Variants in PCIF1 observed in about 807,000 individuals in gnomAD.
The protein encoded by PCIF1 is phosphorylated CTD interacting factor 1.
PCIF1 carries 12 observed loss-of-function variants against 86.9 expected under a neutral mutation model. The ratio of observed to expected loss-of-function variants is 0.14; its 90% CI spans 0.09 to 0.22. The LOEUF is 0.22. Ranked by LOEUF, PCIF1 falls within the 10% of genes least tolerant of loss-of-function variation. The pLI is 1.00. For synonymous variants in PCIF1, 397 were observed against 372.0 expected, an observed-to-expected ratio of 1.07 and a Z score of -0.77; for missense variants, 701 against 951.1, an observed-to-expected ratio of 0.74 and a Z score of 3.46.
intron 11 of PCIF1, 64 bp downstream of exon 11, chr20:45,945,094 A>G: frequency 6.7e-7 from 1 of 1,492,964 alleles, no homozygotes. Flanking sequence ...GATGGAAGGG[A>G]CAAGTGAGAC....
In PCIF1 at chr20:45,943,624, A is replaced by G; in HGVS notation, c.906-42A>G. ...CATGGAATTGGGATGAGGAGGGTGGAGCCAAGCCATTCCTTTCTTCTGCCC... is the reference window on the plus strand; with the variant it reads ...CATGGAATTGGGATGAGGAGGGTGGGGCCAAGCCATTCCTTTCTTCTGCCC... On this transcript the variant is annotated intron_variant, in intron 9 of 16. Coordinates refer to ENST00000372409, the MANE Select transcript of PCIF1 (RefSeq NM_022104.4). This position sits in a 1 kb window ranked among gnomAD's most constrained non-coding sequence, Gnocchi z 5.5. 6.5e-7 allele frequency: 1 copy of G among 1,528,396 alleles called. No homozygotes were observed. The highest frequency in any genetic ancestry group is 8.9e-7 in the Non-Finnish European group (1 of 1,126,168). 94.7% of individuals were successfully genotyped at this position (1,528,396 alleles called of 1,614,324 possible). A position where few individuals can be genotyped will look rare whatever the true frequency, so the allele number is the denominator to read the frequency against.
At chr20:45,935,598 G>T (rs901907257) in intron 1 of PCIF1, among the ~76,000 whole-genome samples, 18 of 152,158 alleles carry the variant, frequency 1.2e-4, no homozygotes, top group Non-Finnish European at 2.6e-4. Flanking sequence ...TCCAACCCAG[G>T]GGCTGGTACT....
In PCIF1 at chr20:45,943,599, C is replaced by A. The variant is rs2083495756; in HGVS notation, c.906-67C>A. The A allele has an allele frequency of 9.6e-6, 14 of 1,463,964 alleles. No individual in the cohort carries two copies. The South Asian group carries it at 1.5e-4, about 15-fold the overall frequency. The allele number at this position is 1,463,964 out of a possible 1,614,324, so 90.7% of individuals were successfully genotyped here. A position where few individuals can be genotyped will look rare whatever the true frequency, so the allele number is the denominator to read the frequency against. ...GCTAGGGGTTGATACCCAGCGAGCC[C>A]ATGGAATTGGGATGAGGAGGGTGGA... is the stretch of plus-strand genomic sequence containing the variant. On this transcript the variant is annotated intron_variant, in intron 9 of 16. Transcript: ENST00000372409. This position sits in a 1 kb window ranked among gnomAD's most constrained non-coding sequence, Gnocchi z 5.5.
chr20:45,936,556 C>T (rs986050450), intron 1 of PCIF1, among the ~76,000 whole-genome samples: 1 of 151,538 alleles, frequency 6.6e-6, no homozygotes, highest in African/African-American at 2.4e-5. Flanking sequence ...CATGATCATA[C>T]TTCACTGCAG....
At chr20:45,940,052 G>A (rs1362701064) in intron 4 of PCIF1, among the ~76,000 whole-genome samples, 2 of 152,240 alleles carry the variant, frequency 1.3e-5, no homozygotes, top group Non-Finnish European at 2.9e-5. Flanking sequence ...CATTCTCTCA[G>A]TGTTACCAAG....
Position 45,943,556 on chromosome 20 carries a change from A to C in PCIF1, c.906-110A>C. 4 of 1,355,814 alleles carry C rather than the reference A, an allele frequency of 3.0e-6. No homozygotes were observed. Among genetic ancestry groups the C allele is most frequent in the Non-Finnish European group, 4.1e-6 (4 of 976,550 alleles). The allele number at this position is 1,355,814 out of a possible 1,614,324, so 84.0% of individuals were successfully genotyped here. On this transcript the variant is annotated intron_variant, in intron 9 of 16. Coordinates refer to ENST00000372409, the MANE Select transcript of PCIF1 (RefSeq NM_022104.4). This position sits in a 1 kb window ranked among gnomAD's most constrained non-coding sequence, Gnocchi z 5.5. ...AGTGGGGCCAGCTCCCAAAGGCAGA[A>C]CAAGGGCTGTGATGGAAGCTAGGGG...
At chr20:45,938,144 T>C (rs1316359485) in intron 2 of PCIF1, among the ~76,000 whole-genome samples, 2 of 152,158 alleles carry the variant, frequency 1.3e-5, no homozygotes, top group Non-Finnish European at 2.9e-5. Flanking sequence ...TGTTGCTGGG[T>C]GTGCTTTGGG....
At chr20:45,942,235 A>AAGT (rs1465175828) in intron 7 of PCIF1, among the ~76,000 whole-genome samples, 1 of 148,970 alleles carries the variant, frequency 6.7e-6, no homozygotes, top group African/African-American at 2.5e-5. Context: ...TGGCCTCCCA[A>AAGT]AGTGCTGGGA....
At position 45,939,294 on chromosome 20, in the gene PCIF1, C is replaced by T; in HGVS notation, c.204C>T (p.Asn68=). The T allele has an allele frequency of 1.9e-6, 3 of 1,613,786 alleles. No individual in the cohort carries two copies. Among genetic ancestry groups the T allele is most frequent in the Non-Finnish European group, 2.5e-6 (3 of 1,180,030 alleles). ...CCTACTACTTCAACCGATTCACCAA[C>T]CAGTCCCTGTGGGAGATGCCCGTGC... is the stretch of plus-strand genomic sequence containing the variant. The part of the protein sequence containing the change: ...NRPYYFNRFT[N]QSLWEMPVLG... The change falls in exon 4 of 17, where the codon AAC becomes AAT. Residue 68 remains asparagine, a synonymous_variant. Coordinates refer to ENST00000372409, the MANE Select transcript of PCIF1 (RefSeq NM_022104.4).
At chr20:45,935,213 G>A (rs2083411469) in intron 1 of PCIF1, among the ~76,000 whole-genome samples, 1 of 151,088 alleles carries the variant, frequency 6.6e-6, no homozygotes, top group Admixed American at 6.6e-5. Flanking sequence ...CGCGCGCGCT[G>A]GAGCTCGCCT....
In PCIF1 at chr20:45,943,838, C is replaced by A; in HGVS notation, c.1005+73C>A. The A allele has an allele frequency of 7.5e-7, 1 of 1,332,516 alleles. No individual in the cohort carries two copies. Among genetic ancestry groups the A allele is most frequent in the Non-Finnish European group, 1.0e-6 (1 of 957,144 alleles). 82.5% of individuals were successfully genotyped at this position (1,332,516 alleles called of 1,614,324 possible). A position where few individuals can be genotyped will look rare whatever the true frequency, so the allele number is the denominator to read the frequency against. On this transcript the variant is annotated intron_variant, in intron 10 of 16. Coordinates refer to ENST00000372409, the MANE Select transcript of PCIF1 (RefSeq NM_022104.4). This position sits in a 1 kb window ranked among gnomAD's most constrained non-coding sequence, Gnocchi z 5.5. Reference sequence around the variant, plus strand: ...ACTTCCTCCAGGAAGCCTACTCTGCCTGTCCAGGCTGGGCAAGGCCTCCCC... The same window carrying A: ...ACTTCCTCCAGGAAGCCTACTCTGCATGTCCAGGCTGGGCAAGGCCTCCCC...
chr20:45,941,325 C>T (rs2083467989), intron 7 of PCIF1, 118 bp downstream of exon 7: 1 of 1,172,904 alleles, frequency 8.5e-7, no homozygotes, highest in Non-Finnish European at 1.2e-6. Context: ...ATGATCACAC[C>T]AGTGCACTCC....
chr20:45,944,797 G>C, intron 10 of PCIF1, 71 bp from the exon 11 acceptor site: 1 of 1,532,002 alleles, frequency 6.5e-7, no homozygotes, highest in Non-Finnish European at 8.8e-7. Flanking sequence ...CAACAGCCCT[G>C]CGGTTACCTG....
At chr20:45,935,527 T>C (rs775424220) in intron 1 of PCIF1, among the ~76,000 whole-genome samples, 4 of 152,150 alleles carry the variant, frequency 2.6e-5, no homozygotes, top group Admixed American at 1.3e-4. Context: ...ACTCTACATA[T>C]AACGGTCGAG....
At chr20:45,942,904 C>T (rs759558068) in intron 7 of PCIF1, among the ~76,000 whole-genome samples, 193 bp from the exon 8 acceptor site, 2 of 149,406 alleles carry the variant, frequency 1.3e-5, no homozygotes, top group Admixed American at 6.8e-5. Context: ...TGAGCCACTA[C>T]GCCTGGCTAG....
chr20:45,935,594 C>T (rs1476366242), intron 1 of PCIF1, among the ~76,000 whole-genome samples: 1 of 152,150 alleles, frequency 6.6e-6, no homozygotes. Context: ...TCTGTCCAAC[C>T]CAGGGGCTGG....
intron 1 of PCIF1, among the ~76,000 whole-genome samples, chr20:45,936,468 C>T (rs1418353451): frequency 1.3e-5 from 2 of 149,274 alleles, no homozygotes; most frequent in East Asian, 4.1e-4. Flanking sequence ...GGATTACAGG[C>T]GTGAGCCACC....
At chr20:45,935,029 C>CGCT (rs2083406206) in intron 1 of PCIF1, among the ~76,000 whole-genome samples, 1 of 151,890 alleles carries the variant, frequency 6.6e-6, no homozygotes, top group Non-Finnish European at 1.5e-5. Context: ...AGGGCCCCTC[C>CGCT]GCTGCTGCCG....
At chr20:45,941,000 TG>T in intron 6 of PCIF1, 52 bp from the exon 7 acceptor site, 16 of 1,613,970 alleles carry the variant, frequency 9.9e-6, no homozygotes, top group Non-Finnish European at 1.2e-5. Flanking sequence ...TCTGGGACTG[TG>T]GGGTGGTGTG....
Sources: allele counts gnomAD v4.1 joint callset (sites outside exome capture counted in the v4.1 genomes callset), GRCh38; gene constraint gnomAD v4.1.1; non-coding constraint Gnocchi (gnomAD v3.1); transcripts MANE v1.5; gene names NCBI Gene and HGNC (gene_info 2026-07-23, HGNC 2026-07-21).